Variants in RABGAP1L observed in about 807,000 individuals in gnomAD.
RABGAP1L encodes the protein RAB GTPase activating protein 1 like.
A neutral mutation model predicts 137.7 loss-of-function variants in RABGAP1L; 63 were observed. That is an observed-to-expected ratio of 0.46 (90% CI 0.37 to 0.56). RABGAP1L has a LOEUF of 0.56. Among genes scored for constraint, RABGAP1L ranks in the 20% least tolerant of loss-of-function variants. The pLI, the probability that RABGAP1L is intolerant of heterozygous loss-of-function variation, is 0.00. For synonymous variants in RABGAP1L, 431 were observed against 433.7 expected (o/e 0.99, Z 0.08); for missense variants, 1,095 against 1,244.0 (o/e 0.88, Z 1.80).
chr1:174,320,232 CT>C (rs1679822026), intron 11 of RABGAP1L, among the ~76,000 whole-genome samples: 1 of 152,144 alleles, frequency 6.6e-6, no homozygotes, highest in African/African-American at 2.4e-5. Context: ...CTCTTATGCC[CT>C]TTATAACTCA....
chr1:174,638,962 A>G (rs1674299132), intron 14 of RABGAP1L, among the ~76,000 whole-genome samples: 1 of 146,322 alleles, frequency 6.8e-6, no homozygotes, highest in South Asian at 2.2e-4. Flanking sequence ...GGTGCAGCGC[A>G]CCAGCATGGC....
At chr1:174,557,182 G>C (rs901590022) in intron 13 of RABGAP1L, among the ~76,000 whole-genome samples, 6 of 152,182 alleles carry the variant, frequency 3.9e-5, no homozygotes, top group African/African-American at 1.4e-4. Flanking sequence ...TAGCTTGGAG[G>C]TTCCACTCAA....
At chr1:174,635,282 A>G (rs914886008) in intron 13 of RABGAP1L, among the ~76,000 whole-genome samples, 49 of 152,284 alleles carry the variant, frequency 3.2e-4, no homozygotes, top group Non-Finnish European at 4.7e-4. Context: ...CTGCGGGCCA[A>G]TAGGCACATA....
At chr1:174,976,584 A>T (rs1206747633) in intron 22 of RABGAP1L, among the ~76,000 whole-genome samples, 1 of 152,192 alleles carries the variant, frequency 6.6e-6, no homozygotes, top group East Asian at 1.9e-4. Context: ...GCCTACAGAG[A>T]TCTCTGCTGG....
intron 19 of RABGAP1L, among the ~76,000 whole-genome samples, chr1:174,898,321 A>T (rs1477460300): frequency 6.6e-6 from 1 of 152,226 alleles, no homozygotes; most frequent in Non-Finnish European, 1.5e-5. Context: ...TCAGGATTTG[A>T]GCACAGGCTT....
intron 19 of RABGAP1L, among the ~76,000 whole-genome samples, chr1:174,850,402 C>A (rs557610433): frequency 9.3e-4 from 141 of 152,278 alleles, no homozygotes; most frequent in South Asian, 7.0e-3. Flanking sequence ...TTATTATTCC[C>A]AGGGAACAGA....
At chr1:174,784,336 A>G (rs1358411761) in intron 18 of RABGAP1L, among the ~76,000 whole-genome samples, 1 of 151,672 alleles carries the variant, frequency 6.6e-6, no homozygotes, top group East Asian at 1.9e-4. Flanking sequence ...TTCTTCTTTT[A>G]TTTGGATAAC....
intron 13 of RABGAP1L, among the ~76,000 whole-genome samples, chr1:174,621,524 G>A (rs1439265313): frequency 6.6e-6 from 1 of 152,176 alleles, no homozygotes; most frequent in Non-Finnish European, 1.5e-5. Flanking sequence ...CAATGGAACA[G>A]AACAGAGCCC....
chr1:174,674,657 C>T lies in RABGAP1L; in HGVS notation c.1825-8865C>T, dbSNP rs1248614709. 6.0e-5 allele frequency among the ~76,000 whole-genome samples: 9 copies of T among 150,754 alleles called. No individual in the cohort carries two copies. The South Asian group carries it at 8.5e-4, about 14-fold the overall frequency. ...TTCTAGTTCTAGATCCCTGAGGAAT[C>T]GCCACACTGACTTCCACAATGGTTG... On this transcript the variant is annotated intron_variant, in intron 14 of 25. Coordinates refer to ENST00000681986, the MANE Select transcript of RABGAP1L (RefSeq NM_001366446.1).
chr1:174,233,590 T>C (rs779303783), intron 4 of RABGAP1L, among the ~76,000 whole-genome samples: 5,839 of 141,824 alleles, frequency 0.041, 244 homozygotes, highest in Middle Eastern at 0.062. Flanking sequence ...ACAAAGGACA[T>C]GAACTCATCA....
chr1:174,657,327 G>A (rs1676038840), intron 14 of RABGAP1L, among the ~76,000 whole-genome samples: 1 of 152,066 alleles, frequency 6.6e-6, no homozygotes, highest in Non-Finnish European at 1.5e-5. Flanking sequence ...CAGTGCTATA[G>A]AACACTAGAA....
At chr1:174,638,771 T>C in intron 14 of RABGAP1L, among the ~76,000 whole-genome samples, 1 of 146,976 alleles carries the variant, frequency 6.8e-6, no homozygotes. Flanking sequence ...TCATTCTCAG[T>C]AAACTATCGC....
At position 174,776,531 on chromosome 1, in the gene RABGAP1L, G is replaced by C. The variant is rs115598777; in HGVS notation, c.2211+24177G>C. ...AATGACTCTTTTTTAGGCCAATTTTGATTTCTTTTGGGAAATAATTCTCTG... is the reference window on the plus strand; with the variant it reads ...AATGACTCTTTTTTAGGCCAATTTTCATTTCTTTTGGGAAATAATTCTCTG... On this transcript the variant is annotated intron_variant, in intron 18 of 25. Transcript: ENST00000681986. Among the ~76,000 whole-genome samples, 1,445 of 152,266 alleles carry C rather than the reference G, an allele frequency of 9.5e-3. 24 individuals carry two copies. Among genetic ancestry groups the C allele is most frequent in the African/African-American group, 0.033 (1,386 of 41,552 alleles).
intron 17 of RABGAP1L, 58 bp downstream of exon 17, chr1:174,702,314 G>C: frequency 7.0e-7 from 1 of 1,434,516 alleles, no homozygotes; most frequent in South Asian, 1.5e-5. Context: ...TACTAAAAAT[G>C]GTTACAGTTT....
chr1:174,489,210 A>G (rs150476670), intron 13 of RABGAP1L, among the ~76,000 whole-genome samples: 1 of 152,244 alleles, frequency 6.6e-6, no homozygotes. Flanking sequence ...CTTCTGCACA[A>G]TAAAAGAAGC....
At chr1:174,547,725 G>T (rs1666134238) in intron 13 of RABGAP1L, 1 of 907,758 alleles carries the variant, frequency 1.1e-6, no homozygotes, top group South Asian at 1.8e-5. Context: ...GAATTTATCT[G>T]CAAAGTTTGG....
intron 13 of RABGAP1L, among the ~76,000 whole-genome samples, chr1:174,612,989 G>A (rs998930840): frequency 2.0e-5 from 3 of 151,204 alleles, no homozygotes. Flanking sequence ...CAATTTTGTT[G>A]ATCCTTTCAA....
chr1:174,305,821 T>G (rs1047318319), intron 11 of RABGAP1L, among the ~76,000 whole-genome samples: 22 of 152,150 alleles, frequency 1.4e-4, no homozygotes, highest in African/African-American at 5.1e-4. Flanking sequence ...AACGTGCAGG[T>G]TTGTTACATA....
intron 19 of RABGAP1L, among the ~76,000 whole-genome samples, chr1:174,840,827 TA>T (rs5778818): frequency 0.62 from 78,353 of 126,044 alleles, 23,979 homozygotes; most frequent in East Asian, 0.87. Context: ...AAAAAAAAAA[TA>T]AAAAAAAAAA....
Sources: gnomAD v4.1 joint callset for allele counts (sites outside exome capture counted in the v4.1 genomes callset) on GRCh38, gnomAD v4.1.1 for gene constraint, MANE v1.5 for transcripts, NCBI Gene and HGNC (gene_info 2026-07-23, HGNC 2026-07-21) for gene names.